MYO16: variants seen among roughly 807,000 people sequenced by gnomAD.
The protein encoded by MYO16 is unconventional myosin-XVI.
A neutral mutation model predicts 205.3 loss-of-function variants in MYO16; 94 were observed. The ratio of observed to expected loss-of-function variants is 0.46; its 90% CI spans 0.39 to 0.54. The LOEUF is 0.54. MYO16 is among the 20% of genes least tolerant of loss of function. The pLI is 0.00. For synonymous variants in MYO16, 988 were observed against 954.0 expected (o/e 1.04, Z -0.66); for missense variants, 2,315 against 2,387.5 (o/e 0.97, Z 0.63).
intron 22 of MYO16, among the ~76,000 whole-genome samples, chr13:109,013,580 C>T (rs1164688801): frequency 1.3e-5 from 2 of 152,164 alleles, no homozygotes; most frequent in African/African-American, 2.4e-5. Flanking sequence ...ACACTCCCAC[C>T]AACAGTGCAA....
chr13:109,061,242 A>T (rs1435396993), intron 27 of MYO16, among the ~76,000 whole-genome samples: 2 of 152,162 alleles, frequency 1.3e-5, no homozygotes, highest in African/African-American at 4.8e-5. Flanking sequence ...GCAATAAGGC[A>T]GTTTCACCTT....
In MYO16 at chr13:108,962,508, T is replaced by C. The variant is rs771405291; in HGVS notation, c.2227+13T>C. On this transcript the variant is annotated intron_variant, in intron 19 of 34. Coordinates refer to ENST00000457511, the MANE Select transcript of MYO16 (RefSeq NM_001198950.3). ...CAATATTTTAAAGGTAATTTTTTTATGCTCTAACATCTTTGTGCAATTTAG... is the reference window on the plus strand; with the variant it reads ...CAATATTTTAAAGGTAATTTTTTTACGCTCTAACATCTTTGTGCAATTTAG... 2 of 1,529,426 alleles carry C rather than the reference T, an allele frequency of 1.3e-6. No homozygotes were observed. The highest frequency in any genetic ancestry group is 1.9e-5 in the Admixed American group (1 of 51,912). 94.7% of individuals were successfully genotyped at this position (1,529,426 alleles called of 1,614,324 possible).
At chr13:108,528,759 C>A in the MYO16 span, among the ~76,000 whole-genome samples, 1 of 141,214 alleles carries the variant, frequency 7.1e-6, no homozygotes, top group Middle Eastern at 3.6e-3. Context: ...CCCTTTGCCT[C>A]CCCTCTCCCC....
rs756999957 is a variant in MYO16 at position 109,140,634 on chromosome 13, C to T, written c.4422C>T (p.Leu1474=). 3.3e-6 allele frequency: 5 copies of T among 1,516,666 alleles called. No individual in the cohort carries two copies. The highest frequency in any genetic ancestry group is 4.4e-6 in the Non-Finnish European group (5 of 1,136,894). 94.0% of individuals were successfully genotyped at this position (1,516,666 alleles called of 1,614,324 possible). Residue 1474 remains leucine, a synonymous_variant, in exon 32 of 35, where the codon CTC becomes CTT. Coordinates refer to ENST00000457511, the MANE Select transcript of MYO16 (RefSeq NM_001198950.3). This position sits in a 1 kb window ranked among gnomAD's most constrained non-coding sequence, Gnocchi z 8.0. The part of the protein sequence containing the change: ...DGGPGAGSFL[L]HGASPPLLHR... ...GCCCGGGCGCGGGCTCCTTCCTGCTCCACGGCGCATCGCCGCCCCTGCTCC... is the reference window on the plus strand; with the variant it reads ...GCCCGGGCGCGGGCTCCTTCCTGCTTCACGGCGCATCGCCGCCCCTGCTCC...
chr13:109,163,133 C>T (rs1256133804), intron 32 of MYO16, among the ~76,000 whole-genome samples: 2 of 149,428 alleles, frequency 1.3e-5, no homozygotes, highest in African/African-American at 2.5e-5. Context: ...CCAGCGTTTC[C>T]TGCTCATAAA....
At position 108,934,713 on chromosome 13, in the gene MYO16, A is replaced by G. The variant is rs144050642; in HGVS notation, c.1926-22975A>G. On this transcript the variant is annotated intron_variant, in intron 16 of 34. Transcript: ENST00000457511. Reference sequence around the variant, plus strand: ...AATGGCATTTCCTAGGTTTTCATCTAGGATTCTTATTGCTGCAGGTATTAC... The same window carrying G: ...AATGGCATTTCCTAGGTTTTCATCTGGGATTCTTATTGCTGCAGGTATTAC... Among the ~76,000 whole-genome samples, 596 of 152,172 alleles carry G rather than the reference A, an allele frequency of 3.9e-3. 5 individuals are homozygous for G. The highest frequency in any genetic ancestry group is 0.01 in the Middle Eastern group (3 of 294).
the MYO16 span, among the ~76,000 whole-genome samples, chr13:108,548,881 A>T: frequency 6.6e-6 from 1 of 152,188 alleles, no homozygotes; most frequent in African/African-American, 2.4e-5. Context: ...GCCAACACAG[A>T]CATTTCTCCT....
At chr13:108,711,364 A>G (rs970292917) in intron 2 of MYO16, among the ~76,000 whole-genome samples, 17 of 152,250 alleles carry the variant, frequency 1.1e-4, no homozygotes, top group African/African-American at 4.1e-4. Flanking sequence ...GATTGCAGAA[A>G]GAACATCATC....
chr13:109,018,937 T>C (rs1181915870), intron 22 of MYO16, among the ~76,000 whole-genome samples: 1 of 151,854 alleles, frequency 6.6e-6, no homozygotes, highest in East Asian at 1.9e-4. Flanking sequence ...GAGCTGTTCC[T>C]ATTCGGCCAT....
intron 9 of MYO16, among the ~76,000 whole-genome samples, chr13:108,833,052 T>C (rs1040262888): frequency 2.6e-5 from 4 of 152,108 alleles, no homozygotes; most frequent in Non-Finnish European, 1.5e-5. Context: ...CCTTCATATA[T>C]ACATAAAACT....
Position 108,662,775 on chromosome 13 carries a change from C to T in MYO16, c.29-3111C>T, listed in dbSNP as rs145786903. ...TGCATGCCTGATTCACACCCTCCCC[C>T]GAGTTCTGGCCAGGATGCTTCTCAT... On this transcript the variant is annotated intron_variant, in intron 1 of 34. Coordinates refer to ENST00000457511, the MANE Select transcript of MYO16 (RefSeq NM_001198950.3). Among the ~76,000 whole-genome samples the T allele has an allele frequency of 5.9e-3, 905 of 152,262 alleles. 4 individuals are homozygous for T. Among genetic ancestry groups the T allele is most frequent in the Middle Eastern group, 0.024 (7 of 294 alleles).
chr13:108,532,410 G>A, the MYO16 span, among the ~76,000 whole-genome samples: 503 of 151,556 alleles, frequency 3.3e-3, 6 homozygotes, highest in African/African-American at 0.011. Context: ...GAGAAAAAGA[G>A]GGATGAGGAG....
intron 17 of MYO16, among the ~76,000 whole-genome samples, chr13:108,960,703 G>A (rs1015655154): frequency 2.0e-5 from 3 of 152,162 alleles, no homozygotes; most frequent in East Asian, 3.8e-4. Context: ...TGCCCTTCAC[G>A]GGGCTCAACC....
intron 21 of MYO16, among the ~76,000 whole-genome samples, chr13:109,000,307 T>C (rs1885172603): frequency 6.6e-6 from 1 of 152,212 alleles, no homozygotes; most frequent in African/African-American, 2.4e-5. Context: ...ATTATTTTTC[T>C]ATATAATTTT....
intron 20 of MYO16, among the ~76,000 whole-genome samples, chr13:108,972,764 G>T (rs1395792348): frequency 6.6e-6 from 1 of 151,890 alleles, no homozygotes; most frequent in Non-Finnish European, 1.5e-5. Flanking sequence ...GTCCAGAGTG[G>T]TTTGTGGTTT....
chr13:109,062,943 A>G (rs1003842480), intron 27 of MYO16, among the ~76,000 whole-genome samples: 3 of 152,178 alleles, frequency 2.0e-5, no homozygotes, highest in Admixed American at 6.5e-5. Context: ...TAACTGTCAG[A>G]GAATAAAAAT....
At chr13:108,772,618 C>G (rs1433263166) in intron 4 of MYO16, among the ~76,000 whole-genome samples, 1 of 151,952 alleles carries the variant, frequency 6.6e-6, no homozygotes, top group Non-Finnish European at 1.5e-5. Context: ...CAAGTGCATA[C>G]TTGGAAAAAA....
chr13:108,636,367 T>TGTG (rs1460236758), intron 1 of MYO16, among the ~76,000 whole-genome samples: 101 of 58,450 alleles, frequency 1.7e-3, no homozygotes, highest in Non-Finnish European at 2.4e-3. Context: ...TTTTTTTTTT[T>TGTG]TTTGTGTGTG....
chr13:108,707,747 T>A (rs1883567340), intron 2 of MYO16, among the ~76,000 whole-genome samples: 1 of 152,200 alleles, frequency 6.6e-6, no homozygotes, highest in South Asian at 2.1e-4. Flanking sequence ...TTTCCTGAGA[T>A]TGTAAAATCT....
Sources: gnomAD v4.1 joint callset for allele counts (sites outside exome capture counted in the v4.1 genomes callset) on GRCh38, gnomAD v4.1.1 for gene constraint, Gnocchi (gnomAD v3.1) non-coding constraint, MANE v1.5 for transcripts, NCBI Gene and HGNC (gene_info 2026-07-23, HGNC 2026-07-21) for gene names.